The following SOX6 variants were observed in gnomAD, a reference collection of about 807,000 sequenced individuals.
The protein encoded by SOX6 is SRY-box transcription factor 6, also known as transcription factor SOX-6.
A neutral mutation model predicts 97.8 loss-of-function variants in SOX6; 11 were observed. The observed-to-expected ratio is 0.11, with a 90% CI of 0.07 to 0.19. The LOEUF is 0.19. SOX6 is among the 10% of genes least tolerant of loss of function. The probability of loss-of-function intolerance (pLI) is 1.00; values close to 1 mark genes in which losing one functional copy is unlikely to be tolerated. For synonymous variants in SOX6, 360 were observed against 371.4 expected (o/e 0.97, Z 0.35); for missense variants, 810 against 1,039.5 (o/e 0.78, Z 3.04).
At chr11:16,584,449 T>A (rs1848070049) in intron 4 of SOX6, among the ~76,000 whole-genome samples, 1 of 152,192 alleles carries the variant, frequency 6.6e-6, no homozygotes, top group African/African-American at 2.4e-5. Flanking sequence ...GGAGCCCCTT[T>A]GACTTTACAG....
intron 3 of SOX6, among the ~76,000 whole-genome samples, chr11:16,647,904 G>A (rs1025676067): frequency 3.3e-5 from 5 of 152,178 alleles, no homozygotes; most frequent in African/African-American, 1.2e-4. Context: ...ATATCTTACA[G>A]GGACCCTTGG....
At chr11:16,096,485 C>T (rs565386269) in intron 8 of SOX6, among the ~76,000 whole-genome samples, 3 of 151,876 alleles carry the variant, frequency 2.0e-5, no homozygotes, top group South Asian at 4.2e-4. Flanking sequence ...TCTTCTTAGG[C>T]GAAATTTCTA....
At chr11:16,047,146 A>C (rs1855858111) in intron 11 of SOX6, among the ~76,000 whole-genome samples, 1 of 152,092 alleles carries the variant, frequency 6.6e-6, no homozygotes, top group African/African-American at 2.4e-5. Flanking sequence ...CAACACAGTC[A>C]TTTCTGGCCC....
intron 1 of SOX6, among the ~76,000 whole-genome samples, chr11:16,439,168 C>T (rs1243924509): frequency 2.0e-5 from 3 of 152,102 alleles, no homozygotes; most frequent in South Asian, 2.1e-4. Context: ...AATATTAATG[C>T]TATTTATCAG....
At chr11:16,297,282 T>C (rs1033945816) in intron 3 of SOX6, among the ~76,000 whole-genome samples, 4 of 152,138 alleles carry the variant, frequency 2.6e-5, no homozygotes, top group Non-Finnish European at 5.9e-5. Context: ...CTGTTTCTTC[T>C]GCCCCACAAA....
At chr11:16,187,012 G>A (rs1851497832) in intron 4 of SOX6, 57 bp from the exon 5 acceptor site, 1 of 1,587,254 alleles carries the variant, frequency 6.3e-7, no homozygotes, top group Admixed American at 1.7e-5. Flanking sequence ...GACGAATAAG[G>A]GAAAGGAGGG....
At chr11:16,287,204 T>G (rs1358062598) in intron 3 of SOX6, among the ~76,000 whole-genome samples, 1 of 151,714 alleles carries the variant, frequency 6.6e-6, no homozygotes, top group Non-Finnish European at 1.5e-5. Context: ...GATGCTATAT[T>G]GTGCTATACC....
chr11:16,178,125 A>C (rs1851248984), intron 6 of SOX6, among the ~76,000 whole-genome samples: 1 of 151,954 alleles, frequency 6.6e-6, no homozygotes, highest in Non-Finnish European at 1.5e-5. Flanking sequence ...GATTCCATTG[A>C]GTAGCTCTTG....
intron 1 of SOX6, among the ~76,000 whole-genome samples, chr11:16,475,851 T>C (rs182427921): frequency 2.1e-3 from 321 of 152,300 alleles, no homozygotes; most frequent in Non-Finnish European, 3.7e-3. Flanking sequence ...GAGGTATGCC[T>C]GTACATTATC....
intron 3 of SOX6, among the ~76,000 whole-genome samples, chr11:16,688,733 A>T (rs1031789696): frequency 6.6e-6 from 1 of 152,100 alleles, no homozygotes; most frequent in Non-Finnish European, 1.5e-5. Context: ...GTAAGTTTCA[A>T]TTGATTGATT....
At chr11:16,172,989 CT>C (rs1168878697) in intron 6 of SOX6, among the ~76,000 whole-genome samples, 3 of 151,776 alleles carry the variant, frequency 2.0e-5, no homozygotes, top group Middle Eastern at 3.4e-3. Flanking sequence ...ATCTCCATGC[CT>C]TTTTTTTCCT....
intron 3 of SOX6, among the ~76,000 whole-genome samples, chr11:16,241,643 G>A (rs1422239120): frequency 6.6e-6 from 1 of 151,874 alleles, no homozygotes; most frequent in African/African-American, 2.4e-5. Flanking sequence ...ATAGTTCTAT[G>A]TTGCTTGCCT....
chr11:16,390,651 A>G (rs184786255), intron 1 of SOX6, among the ~76,000 whole-genome samples: 100 of 152,292 alleles, frequency 6.6e-4, no homozygotes, highest in Non-Finnish European at 1.2e-3. Flanking sequence ...TTTGATCTCA[A>G]CTGTCACCTA....
intron 9 of SOX6, among the ~76,000 whole-genome samples, chr11:16,073,818 AAAC>A (rs1157256854): frequency 6.6e-6 from 1 of 152,210 alleles, no homozygotes; most frequent in Non-Finnish European, 1.5e-5. Context: ...CATGGAAATT[AAAC>A]AACATGCTCC....
chr11:16,629,836 G>A (rs1307318628), intron 3 of SOX6, among the ~76,000 whole-genome samples: 1 of 152,040 alleles, frequency 6.6e-6, no homozygotes, highest in Non-Finnish European at 1.5e-5. Context: ...GAGGTTGTGT[G>A]TTTCTGGTAA....
chr11:16,334,862 G>A (rs188593766), intron 2 of SOX6, among the ~76,000 whole-genome samples: 65 of 151,916 alleles, frequency 4.3e-4, no homozygotes, highest in African/African-American at 1.3e-3. Context: ...CATAAACATC[G>A]AGACACTTCC....
intron 6 of SOX6, among the ~76,000 whole-genome samples, chr11:16,149,182 A>G (rs1163283262): frequency 6.6e-6 from 1 of 152,130 alleles, no homozygotes; most frequent in East Asian, 1.9e-4. Flanking sequence ...TTAATATACA[A>G]ATTACACTGA....
intron 1 of SOX6, among the ~76,000 whole-genome samples, chr11:16,442,642 T>C (rs1859525278): frequency 1.3e-5 from 2 of 152,152 alleles, no homozygotes; most frequent in Non-Finnish European, 2.9e-5. Context: ...CTTTAGCAAA[T>C]TATTGGCTAG....
chr11:16,111,411 C>A (rs1213765389), intron 7 of SOX6, among the ~76,000 whole-genome samples: 2 of 152,094 alleles, frequency 1.3e-5, no homozygotes, highest in Non-Finnish European at 2.9e-5. Context: ...AGAAGTCTGA[C>A]AACAAACAAT....
Sources: gnomAD v4.1 joint callset for allele counts (sites outside exome capture counted in the v4.1 genomes callset) on GRCh38, gnomAD v4.1.1 for gene constraint, MANE v1.5 for transcripts, NCBI Gene and HGNC (gene_info 2026-07-23, HGNC 2026-07-21) for gene names.